The following LRRTM4 variants were observed in gnomAD, a reference collection of about 807,000 sequenced individuals.
LRRTM4 encodes the protein leucine rich repeat transmembrane neuronal 4.
Under a neutral mutation model 47.6 loss-of-function variants are expected in LRRTM4, and 25 were observed. The ratio of observed to expected loss-of-function variants is 0.53; its 90% CI spans 0.38 to 0.73. The LOEUF (loss-of-function observed/expected upper bound fraction) is 0.73. Among genes scored for constraint, LRRTM4 ranks in the 30% least tolerant of loss-of-function variants. The pLI is 0.00. For missense variants in LRRTM4, 638 were observed against 713.4 expected (o/e 0.89, Z 1.20); for synonymous variants, 311 against 269.5 (o/e 1.15, Z -1.51).
In LRRTM4 at chr2:77,454,866, G is replaced by GC. The variant is rs1037820758; in HGVS notation, c.1551+63451dup. ...CTTCTTTCTTTGTAATCTAAAAGCT[G>GC]CCCCCCCTTTTATTTATTTATTTTT... On this transcript the variant is annotated intron_variant, in intron 3 of 3. Transcript: ENST00000409884. 7.9e-5 allele frequency among the ~76,000 whole-genome samples: 12 copies of GC among 151,964 alleles called. No individual in the cohort carries two copies. The East Asian group carries it at 1.7e-3, about 22-fold the overall frequency.
chr2:76,939,463 G>GA (rs1675063200), intron 3 of LRRTM4, among the ~76,000 whole-genome samples: 5 of 151,924 alleles, frequency 3.3e-5, no homozygotes, highest in Admixed American at 3.3e-4. Flanking sequence ...TTCCATTGGT[G>GA]AAAAAATCGT....
At chr2:77,077,760 A>G (rs1056930524) in intron 3 of LRRTM4, among the ~76,000 whole-genome samples, 17 of 152,186 alleles carry the variant, frequency 1.1e-4, no homozygotes, top group African/African-American at 4.1e-4. Context: ...AATGCTTCTC[A>G]GTCTGTCTTT....
Position 76,793,236 on chromosome 2 carries a change from G to C in LRRTM4, c.1552-44320C>G, listed in dbSNP as rs144891254. Among the ~76,000 whole-genome samples, 47 of 152,186 alleles carry C rather than the reference G, an allele frequency of 3.1e-4. No individual in the cohort carries two copies. The East Asian group carries it at 7.6e-3, about 24-fold the overall frequency. ...CTCATCTCTTGGTGTTGTCAATATT[G>C]TTCATTGTTCCTTGACCTTTCCCAG... On this transcript the variant is annotated intron_variant, in intron 3 of 3. Transcript: ENST00000409884.
intron 3 of LRRTM4, among the ~76,000 whole-genome samples, chr2:77,433,859 A>T (rs1166788953): frequency 1.3e-5 from 2 of 152,180 alleles, no homozygotes; most frequent in Non-Finnish European, 2.9e-5. Context: ...ATCAGAGAGA[A>T]GAGCAGAAGA....
intron 3 of LRRTM4, among the ~76,000 whole-genome samples, chr2:76,816,819 G>GTTGTTTTT (rs1670910659): frequency 1.0e-5 from 1 of 96,524 alleles, no homozygotes; most frequent in African/African-American, 3.2e-5. Context: ...GAGGTAAAGA[G>GTTGTTTTT]TTTTTTTTTT....
rs116997286 is a variant in LRRTM4 at position 77,505,125 on chromosome 2, C to T, written c.1551+13193G>A. ...ATTATAAATTACGAATCAAAGTAAG[C>T]GCAATAGGAGCTGATCTGGAAAAGA... On this transcript the variant is annotated intron_variant, in intron 3 of 3. Coordinates refer to ENST00000409884, the MANE Select transcript of LRRTM4 (RefSeq NM_001134745.3). Among the ~76,000 whole-genome samples the T allele has an allele frequency of 1.5e-4, 23 of 150,642 alleles. No homozygotes were observed. In the East Asian group the frequency reaches 1.6e-3, roughly 10 times the overall value.
chr2:77,405,254 G>C (rs1028593194), intron 3 of LRRTM4, among the ~76,000 whole-genome samples: 11 of 151,928 alleles, frequency 7.2e-5, no homozygotes, highest in Non-Finnish European at 1.3e-4. Flanking sequence ...TTTTGACTTG[G>C]CTGCCCTTCT....
intron 3 of LRRTM4, among the ~76,000 whole-genome samples, chr2:76,903,785 T>C (rs1023701870): frequency 1.3e-5 from 2 of 152,338 alleles, no homozygotes; most frequent in East Asian, 1.9e-4. Flanking sequence ...ATAATATTTA[T>C]AGATCCAGTT....
intron 3 of LRRTM4, among the ~76,000 whole-genome samples, chr2:77,303,305 T>G (rs1263683214): frequency 6.6e-6 from 1 of 152,190 alleles, no homozygotes; most frequent in Admixed American, 6.5e-5. Context: ...CTTTCTTGTT[T>G]TCCAGAATAA....
At chr2:77,087,370 C>T (rs2103873367) in intron 3 of LRRTM4, among the ~76,000 whole-genome samples, 1 of 152,336 alleles carries the variant, frequency 6.6e-6, no homozygotes, top group Non-Finnish European at 1.5e-5. Flanking sequence ...AATCTACAAT[C>T]ACAGGCTGCT....
At chr2:76,923,998 G>A (rs79596413) in intron 3 of LRRTM4, among the ~76,000 whole-genome samples, 7,930 of 151,896 alleles carry the variant, frequency 0.052, 479 homozygotes, top group East Asian at 0.13. Context: ...TTTTTTCAAC[G>A]GTGTTTTCAT....
intron 3 of LRRTM4, among the ~76,000 whole-genome samples, chr2:76,780,448 C>G (rs1460453869): frequency 6.6e-6 from 1 of 152,148 alleles, no homozygotes; most frequent in African/African-American, 2.4e-5. Flanking sequence ...TTCTTGGAGG[C>G]TTTGCTCATT....
At chr2:77,162,170 T>A (rs1402256365) in intron 3 of LRRTM4, among the ~76,000 whole-genome samples, 2 of 152,142 alleles carry the variant, frequency 1.3e-5, no homozygotes, top group African/African-American at 4.8e-5. Context: ...CCCAGGAGAT[T>A]ATATCCCATG....
rs143412309 is a variant in LRRTM4 at position 76,918,885 on chromosome 2, C to T, written c.1552-169969G>A. Among the ~76,000 whole-genome samples, 7 of 152,210 alleles carry T rather than the reference C, an allele frequency of 4.6e-5. No homozygotes were observed. The East Asian group carries it at 9.7e-4, about 21-fold the overall frequency. On this transcript the variant is annotated intron_variant, in intron 3 of 3. Coordinates refer to ENST00000409884, the MANE Select transcript of LRRTM4 (RefSeq NM_001134745.3). Reference sequence around the variant, plus strand: ...TGTATTCCACATTTCATACTAACTTCGATCAAGATAACCCTTTGGCTCAAC... The same window carrying T: ...TGTATTCCACATTTCATACTAACTTTGATCAAGATAACCCTTTGGCTCAAC...
chr2:77,136,875 A>G (rs182574656), intron 3 of LRRTM4, among the ~76,000 whole-genome samples: 10 of 152,054 alleles, frequency 6.6e-5, no homozygotes, highest in African/African-American at 2.2e-4. Context: ...AAAGGGTATG[A>G]GTGATTGAAG....
chr2:76,942,442 G>C (rs763387473), intron 3 of LRRTM4, among the ~76,000 whole-genome samples: 2 of 151,598 alleles, frequency 1.3e-5, no homozygotes, highest in Non-Finnish European at 2.9e-5. Context: ...CCCTTGAAGG[G>C]AACAGGTAAC....
At chr2:76,789,092 C>T (rs1174943416) in intron 3 of LRRTM4, among the ~76,000 whole-genome samples, 1 of 151,992 alleles carries the variant, frequency 6.6e-6, no homozygotes, top group Non-Finnish European at 1.5e-5. Context: ...AAAAAGGAAC[C>T]CTATACTTTA....
At chr2:76,989,054 C>A (rs937223570) in intron 3 of LRRTM4, among the ~76,000 whole-genome samples, 6 of 151,840 alleles carry the variant, frequency 4.0e-5, no homozygotes, top group African/African-American at 9.7e-5. Context: ...TTTTTCCCAA[C>A]AATTTCAATG....
chr2:76,859,335 C>A (rs1672245919), intron 3 of LRRTM4, among the ~76,000 whole-genome samples: 1 of 151,964 alleles, frequency 6.6e-6, no homozygotes, highest in Non-Finnish European at 1.5e-5. Flanking sequence ...GCACCACCTA[C>A]TCATAAGTTT....
Sources: allele counts gnomAD v4.1 joint callset (sites outside exome capture counted in the v4.1 genomes callset), GRCh38; gene constraint gnomAD v4.1.1; transcripts MANE v1.5; gene names NCBI Gene and HGNC (gene_info 2026-07-23, HGNC 2026-07-21).